Variants in IFT122 observed in about 807,000 individuals in gnomAD.
The protein encoded by IFT122 is intraflagellar transport 122, also known as intraflagellar transport protein 122 homolog.
In IFT122, 118 loss-of-function variants were observed where a neutral mutation model predicts 161.6. The ratio of observed to expected loss-of-function variants is 0.73; its 90% confidence interval spans 0.63 to 0.85. The LOEUF is 0.85. IFT122 is among the 40% of genes least tolerant of loss of function. The pLI is 0.00. For missense variants in IFT122, 1,381 were observed against 1,579.6 expected, an observed-to-expected ratio of 0.87 and a Z score of 2.13; for synonymous variants, 550 against 602.4, an observed-to-expected ratio of 0.91 and a Z score of 1.27.
chr3:129,506,386 T>C (rs2082194261), intron 21 of IFT122, 23 bp from the exon 22 acceptor site: 1 of 1,612,002 alleles, frequency 6.2e-7, no homozygotes, highest in Non-Finnish European at 8.5e-7. Flanking sequence ...TGTGCTTTTT[T>C]CCTCCCTCCA....
At chr3:129,442,413 C>T (rs73865443) in intron 1 of IFT122, among the ~76,000 whole-genome samples, 16,104 of 151,760 alleles carry the variant, frequency 0.11, 1,295 homozygotes, top group African/African-American at 0.22. Flanking sequence ...TGTATTCATA[C>T]GTGAATGAAT....
chr3:129,477,133 G>C (rs527512184), intron 11 of IFT122, among the ~76,000 whole-genome samples: 4 of 152,044 alleles, frequency 2.6e-5, no homozygotes, highest in Non-Finnish European at 5.9e-5. Flanking sequence ...GACCTGCATG[G>C]GTCTTCGTGG....
At chr3:129,501,131 G>A (rs2625941) in intron 19 of IFT122, among the ~76,000 whole-genome samples, 5,475 of 152,152 alleles carry the variant, frequency 0.036, 306 homozygotes, top group African/African-American at 0.11. Context: ...TCAGCCTTGG[G>A]ACTCAGCACA....
intron 17 of IFT122, among the ~76,000 whole-genome samples, chr3:129,495,046 C>T (rs993751451): frequency 3.9e-5 from 6 of 152,186 alleles, no homozygotes; most frequent in African/African-American, 1.4e-4. Flanking sequence ...TAAACATTCT[C>T]CTGCTCTGTC....
intron 3 of IFT122, among the ~76,000 whole-genome samples, chr3:129,456,479 A>G (rs926004335): frequency 6.6e-6 from 1 of 150,990 alleles, no homozygotes; most frequent in Admixed American, 6.6e-5. Context: ...TGTACTAAAT[A>G]TATAAAAATT....
chr3:129,455,674 A>G (rs948469147), intron 3 of IFT122, among the ~76,000 whole-genome samples: 1 of 151,190 alleles, frequency 6.6e-6, no homozygotes, highest in African/African-American at 2.4e-5. Flanking sequence ...TAATTTCTGA[A>G]CCCCCCAAAA....
At chr3:129,461,127 C>A in intron 4 of IFT122, 101 bp from the exon 5 acceptor site, 1 of 1,058,526 alleles carries the variant, frequency 9.4e-7, no homozygotes, top group South Asian at 1.3e-5. Flanking sequence ...AGCATGTGGT[C>A]TAAAGTCAGA....
rs533591222 is a variant in IFT122 at position 129,476,565 on chromosome 3, C to T, written c.1008+59C>T. On this transcript the variant is annotated intron_variant, in intron 10 of 29. Coordinates refer to ENST00000348417, the MANE Select transcript of IFT122 (RefSeq NM_052989.3). ...GCTTGAAGAGGCACTGAGCAGCCGC[C>T]GTGTCTCGAGTCACATCACTGGGGT... 6.1e-5 allele frequency: 99 copies of T among 1,612,512 alleles called. 2 individuals carry two copies. The South Asian group carries it at 1.0e-3, about 16-fold the overall frequency.
rs372532809 is a variant in IFT122, at chr3:129,512,338, T to C, written c.2913T>C (p.Pro971=). The C allele has an allele frequency of 1.7e-5, 27 of 1,614,050 alleles. No individual in the cohort carries two copies. Among genetic ancestry groups the C allele is most frequent in the Admixed American group, 6.7e-5 (4 of 60,030 alleles). The part of the protein sequence containing the change: ...HTEDPFSVHR[P]ETLFNISRFL... The stretch of plus-strand genomic sequence containing the variant: ...AAGATCCGTTCAGTGTCCATCGTCC[T>C]GAAACTCTTTTCAACATCTCCAGGT... The change falls in exon 24 of 30, where the codon CCT becomes CCC. Residue 971 remains proline, a synonymous_variant. Coordinates refer to ENST00000348417, the MANE Select transcript of IFT122 (RefSeq NM_052989.3).
intron 4 of IFT122, 117 bp from the exon 5 acceptor site, chr3:129,461,111 C>A: frequency 1.0e-6 from 1 of 970,668 alleles, no homozygotes. Flanking sequence ...TGGTCACTTG[C>A]AGAAGAGCAT....
intron 8 of IFT122, among the ~76,000 whole-genome samples, chr3:129,467,305 G>C (rs1180324144): frequency 6.6e-6 from 1 of 152,154 alleles, no homozygotes; most frequent in Non-Finnish European, 1.5e-5. Context: ...CAACTTTTCT[G>C]ATAAAACCCC....
intron 16 of IFT122, among the ~76,000 whole-genome samples, chr3:129,490,022 A>G (rs2079865538): frequency 6.6e-6 from 1 of 151,484 alleles, no homozygotes; most frequent in Non-Finnish European, 1.5e-5. Context: ...AAATATATAT[A>G]TTTTTATATA....
intron 14 of IFT122, among the ~76,000 whole-genome samples, chr3:129,482,860 G>T (rs1209270213): frequency 6.6e-6 from 1 of 152,060 alleles, no homozygotes; most frequent in Non-Finnish European, 1.5e-5. Context: ...GCACAAAATG[G>T]GGCCTGAAAT....
Position 129,492,138 on chromosome 3 carries a change from C to T in IFT122, c.1993-3C>T, listed in dbSNP as rs752149043. 3.7e-6 allele frequency: 6 copies of T among 1,609,848 alleles called. No individual in the cohort carries two copies. The South Asian group carries it at 4.4e-5, about 12-fold the overall frequency. On this transcript the variant is annotated splice_polypyrimidine_tract_variant and splice_region_variant and intron_variant, in intron 16 of 29. Transcript: ENST00000348417. ...TATTTTATTCTTTATTTCTTCGCCACAGGCCTTCATCAGAGTACAAGACCT... is the reference window on the plus strand; with the variant it reads ...TATTTTATTCTTTATTTCTTCGCCATAGGCCTTCATCAGAGTACAAGACCT...
intron 9 of IFT122, among the ~76,000 whole-genome samples, chr3:129,471,963 T>C (rs78168161): frequency 0.011 from 1,639 of 152,282 alleles, 34 homozygotes; most frequent in African/African-American, 0.036. Flanking sequence ...AATACTGTTA[T>C]CATCACCATT....
intron 26 of IFT122, among the ~76,000 whole-genome samples, chr3:129,517,133 CAT>C (rs756614204): frequency 2.8e-4 from 41 of 146,786 alleles, no homozygotes; most frequent in Middle Eastern, 3.9e-3. Context: ...TGCACACACA[CAT>C]GGAGACTGCC....
At chr3:129,452,023 T>C in intron 3 of IFT122, 25 bp downstream of exon 3, 4 of 1,475,842 alleles carry the variant, frequency 2.7e-6, no homozygotes, top group Non-Finnish European at 3.8e-6. Flanking sequence ...TGGGTTTCCA[T>C]TCTCTATAAT....
At chr3:129,467,729 G>A (rs1416017350) in intron 8 of IFT122, among the ~76,000 whole-genome samples, 1 of 152,170 alleles carries the variant, frequency 6.6e-6, no homozygotes, top group Non-Finnish European at 1.5e-5. Flanking sequence ...GAAAGCTGGG[G>A]TAGCCAGGAT....
chr3:129,460,459 T>A (rs1397288783), intron 4 of IFT122, among the ~76,000 whole-genome samples: 1 of 152,148 alleles, frequency 6.6e-6, no homozygotes, highest in African/African-American at 2.4e-5. Context: ...TATTTTTTTT[T>A]ATGAAGACGA....
Sources: allele counts gnomAD v4.1 joint callset (sites outside exome capture counted in the v4.1 genomes callset), GRCh38; gene constraint gnomAD v4.1.1; transcripts MANE v1.5; gene names NCBI Gene and HGNC (gene_info 2026-07-23, HGNC 2026-07-21).